LRRTM4: variants seen among roughly 807,000 people sequenced by gnomAD.
LRRTM4 encodes the protein leucine-rich repeat transmembrane neuronal protein 4.
Under a neutral mutation model 47.6 loss-of-function variants are expected in LRRTM4, and 25 were observed. The ratio of observed to expected loss-of-function variants is 0.53; its 90% CI spans 0.38 to 0.73. The LOEUF (loss-of-function observed/expected upper bound fraction) is 0.73. Ranked by LOEUF, LRRTM4 falls within the 30% of genes least tolerant of loss-of-function variation. The probability of loss-of-function intolerance (pLI) is 0.00; values close to 1 mark genes in which losing one functional copy is unlikely to be tolerated. For missense variants in LRRTM4, 638 were observed against 713.4 expected (o/e 0.89, Z 1.20); for synonymous variants, 311 against 269.5 (o/e 1.15, Z -1.51).
intron 3 of LRRTM4, among the ~76,000 whole-genome samples, chr2:77,382,910 T>TA (rs1225124467): frequency 6.6e-6 from 1 of 152,106 alleles, no homozygotes; most frequent in African/African-American, 2.4e-5. Flanking sequence ...ATTTGCTATT[T>TA]AAAAAACTAA....
At chr2:76,962,485 A>G (rs998675705) in intron 3 of LRRTM4, among the ~76,000 whole-genome samples, 2 of 150,982 alleles carry the variant, frequency 1.3e-5, no homozygotes, top group African/African-American at 2.4e-5. Context: ...ATTATTTACT[A>G]TTATGCTAAT....
intron 3 of LRRTM4, among the ~76,000 whole-genome samples, chr2:77,508,438 C>T (rs917613210): frequency 2.0e-5 from 3 of 152,174 alleles, no homozygotes; most frequent in Non-Finnish European, 4.4e-5. Flanking sequence ...TTCCATAGTG[C>T]ATAATCAGAA....
chr2:77,340,870 G>T (rs1671347769), intron 3 of LRRTM4, among the ~76,000 whole-genome samples: 1 of 151,880 alleles, frequency 6.6e-6, no homozygotes, highest in Admixed American at 6.6e-5. Flanking sequence ...TAAAAAGTTA[G>T]TTGGTGAGAG....
chr2:77,519,871 T>C lies in LRRTM4; in HGVS notation c.5-7A>G. 1 of 1,567,290 alleles carries C rather than the reference T, an allele frequency of 6.4e-7. No homozygotes were observed. The highest frequency in any genetic ancestry group is 8.6e-7 in the Non-Finnish European group (1 of 1,157,304). ...TGCGTAATTAAATGGAAACCTACGATATTAAAAAAAAGACAGATGCACATT... is the reference window on the plus strand; with the variant it reads ...TGCGTAATTAAATGGAAACCTACGACATTAAAAAAAAGACAGATGCACATT... On this transcript the variant is annotated splice_region_variant and splice_polypyrimidine_tract_variant and intron_variant, in intron 2 of 3. Transcript: ENST00000409884. This position sits in a 1 kb window ranked among gnomAD's most constrained non-coding sequence, Gnocchi z 4.6.
chr2:77,027,741 G>A (rs1170791510), intron 3 of LRRTM4, among the ~76,000 whole-genome samples: 4 of 151,982 alleles, frequency 2.6e-5, no homozygotes, highest in African/African-American at 9.7e-5. Flanking sequence ...AACATGCAAA[G>A]GAAATATTAC....
chr2:76,975,766 C>A (rs1676398083), intron 3 of LRRTM4, among the ~76,000 whole-genome samples: 1 of 151,726 alleles, frequency 6.6e-6, no homozygotes, highest in Non-Finnish European at 1.5e-5. Flanking sequence ...TCTGATGACA[C>A]CACATCTGGC....
chr2:77,136,975 G>A (rs1399987647), intron 3 of LRRTM4, among the ~76,000 whole-genome samples: 1 of 151,990 alleles, frequency 6.6e-6, no homozygotes, highest in Non-Finnish European at 1.5e-5. Context: ...ATGGGACTAT[G>A]TGAAAAGACC....
chr2:77,171,262 T>C (rs915270840), intron 3 of LRRTM4, among the ~76,000 whole-genome samples: 15 of 152,198 alleles, frequency 9.9e-5, no homozygotes, highest in Admixed American at 6.6e-4. Flanking sequence ...TTTTCTGTTG[T>C]TGTTTGTTTG....
chr2:77,424,426 A>G (rs548599872), intron 3 of LRRTM4, among the ~76,000 whole-genome samples: 2 of 131,918 alleles, frequency 1.5e-5, no homozygotes, highest in Non-Finnish European at 3.4e-5. Flanking sequence ...ATACTCCATT[A>G]TACAGTGAAC....
At chr2:77,088,415 A>G (rs1451161994) in intron 3 of LRRTM4, among the ~76,000 whole-genome samples, 1 of 152,146 alleles carries the variant, frequency 6.6e-6, no homozygotes, top group Non-Finnish European at 1.5e-5. Flanking sequence ...TTACCTTGTG[A>G]AAGTCCTTTT....
At chr2:76,877,751 G>A (rs72821237) in intron 3 of LRRTM4, among the ~76,000 whole-genome samples, 2,650 of 152,122 alleles carry the variant, frequency 0.017, 62 homozygotes, top group East Asian at 0.077. Context: ...ACTGAGGATC[G>A]AGCATTGAAG....
At chr2:77,145,273 T>C (rs1558603579) in intron 3 of LRRTM4, among the ~76,000 whole-genome samples, 2 of 151,518 alleles carry the variant, frequency 1.3e-5, no homozygotes, top group Non-Finnish European at 2.9e-5. Flanking sequence ...TATACACATA[T>C]ACATAGATGA....
At chr2:76,909,979 A>G (rs1673991148) in intron 3 of LRRTM4, among the ~76,000 whole-genome samples, 1 of 152,222 alleles carries the variant, frequency 6.6e-6, no homozygotes, top group African/African-American at 2.4e-5. Flanking sequence ...CATTTGACCC[A>G]GCCATCCCAT....
At chr2:77,175,080 T>A (rs1455331430) in intron 3 of LRRTM4, among the ~76,000 whole-genome samples, 1 of 150,926 alleles carries the variant, frequency 6.6e-6, no homozygotes, top group Non-Finnish European at 1.5e-5. Context: ...TTTTCTTTTT[T>A]TTTTTTTTTG....
At position 76,890,027 on chromosome 2, in the gene LRRTM4, A is replaced by G. The variant is rs13397160; in HGVS notation, c.1552-141111T>C. 4.3e-3 allele frequency among the ~76,000 whole-genome samples: 647 copies of G among 152,104 alleles called. 1 individual carries two copies. Among genetic ancestry groups the G allele is most frequent in the African/African-American group, 0.015 (625 of 41,538 alleles). On this transcript the variant is annotated intron_variant, in intron 3 of 3. Coordinates refer to ENST00000409884, the MANE Select transcript of LRRTM4 (RefSeq NM_001134745.3). ...TCTGTCATTCTATAACTAGAAAAAA[A>G]GATTTGAGATCATTTGGAAATGAAT...
At chr2:77,193,446 G>C (rs1384270910) in intron 3 of LRRTM4, among the ~76,000 whole-genome samples, 1 of 150,844 alleles carries the variant, frequency 6.6e-6, no homozygotes, top group Non-Finnish European at 1.5e-5. Flanking sequence ...CACAATTCTT[G>C]TATTTAAGAA....
In LRRTM4 at chr2:77,464,858, G is replaced by A. The variant is rs1676924356; in HGVS notation, c.1551+53460C>T. Among the ~76,000 whole-genome samples, 3 of 152,208 alleles carry A rather than the reference G, an allele frequency of 2.0e-5. No individual in the cohort carries two copies. The South Asian group carries it at 6.2e-4, about 32-fold the overall frequency. On this transcript the variant is annotated intron_variant, in intron 3 of 3. Coordinates refer to ENST00000409884, the MANE Select transcript of LRRTM4 (RefSeq NM_001134745.3). The stretch of plus-strand genomic sequence containing the variant: ...GGGTTGGGCAATAAAAATCAGCATT[G>A]TTTAACAAGCTAACCAGGTGTGTGT...
chr2:77,462,103 T>G (rs1447463953), intron 3 of LRRTM4, among the ~76,000 whole-genome samples: 1 of 152,056 alleles, frequency 6.6e-6, no homozygotes, highest in Admixed American at 6.6e-5. Context: ...AAGTCTGACT[T>G]AAATGCTCCA....
chr2:77,430,296 C>T (rs1675313423), intron 3 of LRRTM4, among the ~76,000 whole-genome samples: 1 of 152,102 alleles, frequency 6.6e-6, no homozygotes, highest in African/African-American at 2.4e-5. Context: ...AAAAAATGGT[C>T]TTATATCCCA....
Sources: gnomAD v4.1 joint callset for allele counts (sites outside exome capture counted in the v4.1 genomes callset) on GRCh38, gnomAD v4.1.1 for gene constraint, Gnocchi (gnomAD v3.1) non-coding constraint, MANE v1.5 for transcripts, NCBI Gene and HGNC (gene_info 2026-07-23, HGNC 2026-07-21) for gene names.